SMPD3: variants seen among roughly 807,000 people sequenced by gnomAD.
SMPD3 encodes the protein sphingomyelin phosphodiesterase 3.
SMPD3 carries 21 observed loss-of-function variants against 55.7 expected under a neutral mutation model. That is an observed-to-expected ratio of 0.38 (90% CI 0.27 to 0.54). SMPD3 has a LOEUF of 0.54. Ranked by LOEUF, SMPD3 falls within the 20% of genes least tolerant of loss-of-function variation. The probability of loss-of-function intolerance (pLI) is 0.80; values close to 1 mark genes in which losing one functional copy is unlikely to be tolerated. For synonymous variants in SMPD3, 457 were observed against 404.3 expected, an observed-to-expected ratio of 1.13 and a Z score of -1.56; for missense variants, 842 against 899.6, an observed-to-expected ratio of 0.94 and a Z score of 0.82.
intron 1 of SMPD3, among the ~76,000 whole-genome samples, chr16:68,431,755 C>T (rs950823274): frequency 2.0e-5 from 3 of 152,134 alleles, no homozygotes; most frequent in African/African-American, 7.2e-5. Context: ...AAACTTGTCT[C>T]TACTAAAAAT....
chr16:68,361,490 A>G, intron 8 of SMPD3, 113 bp downstream of exon 8: 2 of 1,470,950 alleles, frequency 1.4e-6, no homozygotes, highest in Non-Finnish European at 1.8e-6. Flanking sequence ...GATGGGTATC[A>G]TTGTAAGAGT....
intron 2 of SMPD3, among the ~76,000 whole-genome samples, chr16:68,377,401 T>A (rs912712057): frequency 6.6e-6 from 1 of 152,298 alleles, no homozygotes. Context: ...TGTGTGGCAT[T>A]GACAGCCGGC....
intron 1 of SMPD3, among the ~76,000 whole-genome samples, chr16:68,420,870 A>G (rs146953192): frequency 4.3e-4 from 66 of 152,338 alleles, no homozygotes; most frequent in African/African-American, 1.5e-3. Context: ...ACCCACTTCA[A>G]CATGTCTTCA....
At chr16:68,443,219 T>A (rs2090581997) in intron 1 of SMPD3, among the ~76,000 whole-genome samples, 2 of 152,190 alleles carry the variant, frequency 1.3e-5, no homozygotes, top group Admixed American at 1.3e-4. Context: ...CCTGCCCACC[T>A]TCTGGAGTCT....
At chr16:68,421,900 A>G (rs1468911725) in intron 1 of SMPD3, among the ~76,000 whole-genome samples, 1 of 152,226 alleles carries the variant, frequency 6.6e-6, no homozygotes, top group African/African-American at 2.4e-5. Context: ...GGCAAAAGGA[A>G]CTTTGCAGAT....
intron 1 of SMPD3, among the ~76,000 whole-genome samples, chr16:68,397,191 GCA>G: frequency 6.6e-6 from 1 of 152,150 alleles, no homozygotes; most frequent in South Asian, 2.1e-4. Flanking sequence ...TACACAGGAG[GCA>G]CCCATAGGTA....
intron 1 of SMPD3, among the ~76,000 whole-genome samples, chr16:68,401,042 C>CCT (rs1369948296): frequency 6.6e-6 from 1 of 152,200 alleles, no homozygotes; most frequent in Non-Finnish European, 1.5e-5. Flanking sequence ...CCAGTGCCAC[C>CCT]CTCTGTGAGG....
intron 1 of SMPD3, among the ~76,000 whole-genome samples, chr16:68,399,281 T>C (rs1476158850): frequency 6.6e-6 from 1 of 152,166 alleles, no homozygotes; most frequent in East Asian, 1.9e-4. Flanking sequence ...GCTTCTCCTA[T>C]TACCTGGCTC....
At chr16:68,409,702 T>A (rs967453611) in intron 1 of SMPD3, among the ~76,000 whole-genome samples, 3 of 152,158 alleles carry the variant, frequency 2.0e-5, no homozygotes, top group Non-Finnish European at 2.9e-5. Context: ...CACGCCATTC[T>A]CCTGCCTCAG....
chr16:68,437,131 G>A (rs567299593), intron 1 of SMPD3, among the ~76,000 whole-genome samples: 1 of 152,328 alleles, frequency 6.6e-6, no homozygotes, highest in South Asian at 2.1e-4. Context: ...TGAGGACAGG[G>A]ACTGTATCTC....
At position 68,372,271 on chromosome 16, in the gene SMPD3, G is replaced by C; in HGVS notation, c.-90C>G. ...CCTGGGCGAGGGTGGGCGAGTTGGG[G>C]GCAGCTGGAGGAGGGGTCACCTCCT... On this transcript the variant is annotated 5_prime_UTR_variant, in exon 3 of 9. Transcript: ENST00000219334. 1 of 1,519,918 alleles carries C rather than the reference G, an allele frequency of 6.6e-7. No individual in the cohort carries two copies. Among genetic ancestry groups the C allele is most frequent in the Non-Finnish European group, 8.9e-7 (1 of 1,122,888 alleles). 94.2% of individuals were successfully genotyped at this position (1,519,918 alleles called of 1,614,324 possible).
intron 2 of SMPD3, among the ~76,000 whole-genome samples, chr16:68,381,624 C>T (rs941716489): frequency 1.3e-5 from 2 of 152,166 alleles, no homozygotes; most frequent in South Asian, 2.1e-4. Flanking sequence ...AGATGTGGAA[C>T]CTTCCAGAGC....
Position 68,372,357 on chromosome 16 carries a change from C to T in SMPD3, c.-176G>A, listed in dbSNP as rs951656464. 13 of 815,628 alleles carry T rather than the reference C, an allele frequency of 1.6e-5. No individual in the cohort carries two copies. The highest frequency in any genetic ancestry group is 2.7e-5 in the East Asian group (1 of 37,642). 50.5% of individuals were successfully genotyped at this position (815,628 alleles called of 1,614,324 possible). The stretch of plus-strand genomic sequence containing the variant: ...TTGGCCAGCCGGTCATGGTTCACCT[C>T]GGTGGGCCATGCGGAGGCCTACTGC... On this transcript the variant is annotated 5_prime_UTR_variant, in exon 3 of 9. Coordinates refer to ENST00000219334, the MANE Select transcript of SMPD3 (RefSeq NM_018667.4).
chr16:68,366,676 G>T (rs1483680033), intron 3 of SMPD3, among the ~76,000 whole-genome samples: 1 of 152,078 alleles, frequency 6.6e-6, no homozygotes, highest in Non-Finnish European at 1.5e-5. Flanking sequence ...GACCAGCCTG[G>T]CCAACATGAT....
At chr16:68,427,226 C>T (rs1304272776) in intron 1 of SMPD3, among the ~76,000 whole-genome samples, 1 of 152,170 alleles carries the variant, frequency 6.6e-6, no homozygotes, top group East Asian at 1.9e-4. Context: ...TCGTCTCAAA[C>T]TCCTGACCTC....
At chr16:68,435,549 C>T (rs917682739) in intron 1 of SMPD3, among the ~76,000 whole-genome samples, 1 of 151,530 alleles carries the variant, frequency 6.6e-6, no homozygotes, top group Non-Finnish European at 1.5e-5. Context: ...CCAGTTCTGC[C>T]GAGGGCCACA....
intron 1 of SMPD3, among the ~76,000 whole-genome samples, chr16:68,426,721 T>C (rs1263115845): frequency 6.6e-6 from 1 of 152,206 alleles, no homozygotes; most frequent in African/African-American, 2.4e-5. Context: ...TGCACTCATT[T>C]TCCAACCCTG....
chr16:68,397,127 A>G (rs2090164013), intron 1 of SMPD3, among the ~76,000 whole-genome samples: 1 of 152,194 alleles, frequency 6.6e-6, no homozygotes, highest in Admixed American at 6.5e-5. Context: ...TCTGTGAGCA[A>G]GACTTATCTG....
At chr16:68,366,494 C>A (rs1439765111) in intron 3 of SMPD3, among the ~76,000 whole-genome samples, 5 of 152,226 alleles carry the variant, frequency 3.3e-5, no homozygotes. Flanking sequence ...TCCCCGCCCC[C>A]CGAATGGCTC....
Sources: allele counts gnomAD v4.1 joint callset (sites outside exome capture counted in the v4.1 genomes callset), GRCh38; gene constraint gnomAD v4.1.1; transcripts MANE v1.5; gene names NCBI Gene and HGNC (gene_info 2026-07-23, HGNC 2026-07-21).